FLNB: variants seen among roughly 807,000 people sequenced by gnomAD.
FLNB encodes the protein filamin-B.
A neutral mutation model predicts 250.6 loss-of-function variants in FLNB; 111 were observed. The observed-to-expected ratio is 0.44, with a 90% CI of 0.38 to 0.52. The LOEUF (loss-of-function observed/expected upper bound fraction) is 0.52. FLNB is among the 20% of genes least tolerant of loss of function. The pLI is 0.00. For missense variants in FLNB, 2,869 were observed against 3,447.8 expected (o/e 0.83, Z 4.20); for synonymous variants, 1,302 against 1,372.1 (o/e 0.95, Z 1.13).
At chr3:58,025,198 C>T (rs1477679145) in intron 1 of FLNB, among the ~76,000 whole-genome samples, 2 of 141,378 alleles carry the variant, frequency 1.4e-5, no homozygotes, top group East Asian at 2.2e-4. Flanking sequence ...GGCACATTCA[C>T]GGCTCATTGC....
chr3:58,081,456 A>C (rs2097209157), intron 3 of FLNB, among the ~76,000 whole-genome samples, 173 bp from the exon 4 acceptor site: 1 of 152,206 alleles, frequency 6.6e-6, no homozygotes, highest in South Asian at 2.1e-4. Context: ...AATTTCTCAA[A>C]AATGGTTAAA....
At chr3:58,089,875 C>T (rs2097223438) in intron 4 of FLNB, among the ~76,000 whole-genome samples, 1 of 152,112 alleles carries the variant, frequency 6.6e-6, no homozygotes, top group South Asian at 2.1e-4. Flanking sequence ...CAACCTCTGC[C>T]TCCTGGGTTC....
chr3:58,167,789 A>T (rs1475545084), intron 43 of FLNB, among the ~76,000 whole-genome samples: 1 of 152,240 alleles, frequency 6.6e-6, no homozygotes, highest in Non-Finnish European at 1.5e-5. Flanking sequence ...GGAATCACGG[A>T]AAGGATTCCA....
At chr3:58,093,065 C>T (rs2097230899) in intron 4 of FLNB, among the ~76,000 whole-genome samples, 1 of 152,160 alleles carries the variant, frequency 6.6e-6, no homozygotes, top group Admixed American at 6.5e-5. Context: ...AGCTTCTGTC[C>T]AGGTTTGCTA....
intron 20 of FLNB, 129 bp from the exon 21 acceptor site, chr3:58,122,964 A>G (rs1161264575): frequency 8.2e-6 from 7 of 853,998 alleles, no homozygotes; most frequent in African/African-American, 3.3e-5. Context: ...CGTGTGACAC[A>G]TAAAGCCCCA....
intron 18 of FLNB, among the ~76,000 whole-genome samples, chr3:58,115,141 A>G (rs2097275682): frequency 6.6e-6 from 1 of 152,196 alleles, no homozygotes; most frequent in Non-Finnish European, 1.5e-5. Context: ...ACTTTTATAG[A>G]TAGAGCATTC....
chr3:58,055,061 G>T (rs561143199), intron 1 of FLNB, among the ~76,000 whole-genome samples: 150 of 152,252 alleles, frequency 9.9e-4, no homozygotes, highest in African/African-American at 3.3e-3. Flanking sequence ...GAGGTCAGGA[G>T]TTCAAGACCA....
intron 36 of FLNB, 140 bp from the exon 37 acceptor site, chr3:58,149,710 G>C (rs1559730833): frequency 1.9e-6 from 2 of 1,068,308 alleles, no homozygotes; most frequent in Non-Finnish European, 2.8e-6. Context: ...TCTGGGCTTT[G>C]CAAACGAGGC....
intron 1 of FLNB, among the ~76,000 whole-genome samples, chr3:58,022,473 A>G (rs989653559): frequency 1.3e-5 from 2 of 152,238 alleles, no homozygotes; most frequent in Admixed American, 1.3e-4. Flanking sequence ...CTGTTAGAGA[A>G]CAAGGCCTTT....
At chr3:58,008,950 C>A in intron 1 of FLNB, 94 bp downstream of exon 1, 1 of 1,483,188 alleles carries the variant, frequency 6.7e-7, no homozygotes, top group Non-Finnish European at 9.4e-7. Flanking sequence ...CCGCAGCGCG[C>A]CCCCACCTCG....
intron 24 of FLNB, among the ~76,000 whole-genome samples, chr3:58,127,403 C>CT (rs1033915586): frequency 9.9e-5 from 15 of 150,962 alleles, no homozygotes; most frequent in African/African-American, 3.6e-4. Context: ...GTCTTGGTTT[C>CT]TTTTTTTTCA....
intron 18 of FLNB, among the ~76,000 whole-genome samples, chr3:58,115,292 C>T (rs970006950): frequency 9.2e-5 from 14 of 152,210 alleles, no homozygotes; most frequent in Admixed American, 3.9e-4. Flanking sequence ...TAGGAGAAAG[C>T]ACCAGAAAGC....
chr3:58,014,643 C>T (rs1270386776), intron 1 of FLNB, among the ~76,000 whole-genome samples: 1 of 152,176 alleles, frequency 6.6e-6, no homozygotes, highest in Non-Finnish European at 1.5e-5. Flanking sequence ...CTGCCCTGCT[C>T]CTTAGGGGAG....
chr3:58,014,310 C>T (rs858217), intron 1 of FLNB, among the ~76,000 whole-genome samples: 15,045 of 152,232 alleles, frequency 0.099, 1,420 homozygotes, highest in East Asian at 0.44. Context: ...GGGCTGCCCC[C>T]TGCTATGTTA....
At chr3:58,022,923 T>G (rs930094126) in intron 1 of FLNB, among the ~76,000 whole-genome samples, 2 of 151,908 alleles carry the variant, frequency 1.3e-5, no homozygotes, top group African/African-American at 4.8e-5. Flanking sequence ...GTTCAAGCGA[T>G]TCTCTTGCCT....
At chr3:58,074,200 T>C (rs1188997956) in intron 1 of FLNB, among the ~76,000 whole-genome samples, 4 of 152,226 alleles carry the variant, frequency 2.6e-5, no homozygotes, top group Non-Finnish European at 5.9e-5. Context: ...TACGAATTTA[T>C]TGGAAATTCA....
chr3:58,163,425 C>T (rs746200061), intron 43 of FLNB, 95 bp downstream of exon 43: 25 of 1,299,946 alleles, frequency 1.9e-5, no homozygotes, highest in Middle Eastern at 2.5e-4. Flanking sequence ...GCTTTTTACA[C>T]GTACTCCCCG....
intron 35 of FLNB, 61 bp from the exon 36 acceptor site, chr3:58,148,588 G>GTC: frequency 7.0e-7 from 1 of 1,421,706 alleles, no homozygotes. Flanking sequence ...CTGAGAGTGT[G>GTC]TCTCTCTCCT....
intron 4 of FLNB, among the ~76,000 whole-genome samples, chr3:58,089,903 C>T (rs2097223525): frequency 6.6e-6 from 1 of 152,128 alleles, no homozygotes; most frequent in East Asian, 1.9e-4. Flanking sequence ...TCTCCTGCCT[C>T]AGCCTCCCTA....
Sources: allele counts gnomAD v4.1 joint callset (sites outside exome capture counted in the v4.1 genomes callset), GRCh38; gene constraint gnomAD v4.1.1; transcripts MANE v1.5; gene names NCBI Gene and HGNC (gene_info 2026-07-23, HGNC 2026-07-21).